The following SH2D4B variants were observed in gnomAD, a reference collection of about 807,000 sequenced individuals.
SH2D4B encodes SH2 domain containing 4B, also known as SH2 domain-containing protein 4B.
Under a neutral mutation model 61.5 loss-of-function variants are expected in SH2D4B, and 45 were observed. The observed-to-expected ratio is 0.73, with a 90% confidence interval of 0.58 to 0.94. The LOEUF (loss-of-function observed/expected upper bound fraction) is 0.94. Among genes scored for constraint, SH2D4B ranks in the 40% least tolerant of loss-of-function variants. The probability of loss-of-function intolerance (pLI) is 0.00; values close to 1 mark genes in which losing one functional copy is unlikely to be tolerated. For synonymous variants in SH2D4B, 224 were observed against 220.4 expected, an observed-to-expected ratio of 1.02 and a Z score of -0.14; for missense variants, 572 against 574.2, an observed-to-expected ratio of 1.00 and a Z score of 0.04.
At chr10:80,630,479 A>G (rs912108470) in intron 6 of SH2D4B, among the ~76,000 whole-genome samples, 6 of 152,306 alleles carry the variant, frequency 3.9e-5, no homozygotes, top group Admixed American at 1.3e-4. Context: ...TGGGATATCC[A>G]AGACAGTCTC....
chr10:80,559,310 T>C (rs945859652), intron 1 of SH2D4B, among the ~76,000 whole-genome samples: 1 of 152,186 alleles, frequency 6.6e-6, no homozygotes, highest in Non-Finnish European at 1.5e-5. Flanking sequence ...TTTCTCATTA[T>C]AAAACATTTG....
chr10:80,641,103 C>A (rs1372252390), intron 7 of SH2D4B, among the ~76,000 whole-genome samples: 3 of 152,222 alleles, frequency 2.0e-5, no homozygotes, highest in African/African-American at 7.2e-5. Flanking sequence ...CCCTCTTTGC[C>A]TGGGTATCAC....
rs188092157 is a variant in SH2D4B at position 80,543,973 on chromosome 10, C to T, written c.184+5458C>T. On this transcript the variant is annotated intron_variant, in intron 1 of 7. Coordinates refer to ENST00000646907, the MANE Select transcript of SH2D4B (RefSeq NM_001388272.1). ...CAGCGCCCTGTCAAAACAGACCACT[C>T]GGCTCTACCAATCAGCAGGATGTGG... 2.2e-3 allele frequency among the ~76,000 whole-genome samples: 298 copies of T among 132,584 alleles called. 1 individual carries two copies. The highest frequency in any genetic ancestry group is 8.0e-3 in the African/African-American group (251 of 31,254). The allele number at this position is 132,584 out of a possible 152,430, so 87.0% of individuals were successfully genotyped here.
At chr10:80,595,639 G>C (rs1005111644) in intron 4 of SH2D4B, among the ~76,000 whole-genome samples, 1 of 152,162 alleles carries the variant, frequency 6.6e-6, no homozygotes. Context: ...GCACTCAGAG[G>C]CTCTTTGAAT....
At chr10:80,553,808 G>A (rs994240852) in intron 1 of SH2D4B, among the ~76,000 whole-genome samples, 1 of 152,200 alleles carries the variant, frequency 6.6e-6, no homozygotes, top group African/African-American at 2.4e-5. Flanking sequence ...TGCCCACAGA[G>A]TGCTGGACTT....
chr10:80,622,320 C>T (rs1176977022), intron 6 of SH2D4B, among the ~76,000 whole-genome samples: 1 of 152,140 alleles, frequency 6.6e-6, no homozygotes, highest in African/African-American at 2.4e-5. Context: ...AGTTGTTCTG[C>T]TCCTTACTTT....
At chr10:80,610,383 C>T (rs1411162705) in intron 6 of SH2D4B, among the ~76,000 whole-genome samples, 7 of 152,140 alleles carry the variant, frequency 4.6e-5, no homozygotes, top group Admixed American at 4.6e-4. Flanking sequence ...TTTCCCTGTG[C>T]CTGGCTCAGT....
chr10:80,600,819 T>G (rs1291045332), intron 4 of SH2D4B, among the ~76,000 whole-genome samples: 1 of 152,206 alleles, frequency 6.6e-6, no homozygotes, highest in Non-Finnish European at 1.5e-5. Flanking sequence ...GTAGCCTGCC[T>G]GCCTGTCTGT....
chr10:80,583,439 C>T (rs1041890971), intron 3 of SH2D4B, among the ~76,000 whole-genome samples: 14 of 150,384 alleles, frequency 9.3e-5, no homozygotes, highest in East Asian at 5.8e-4. Context: ...GAGGCTGAGG[C>T]GGGCGGATCA....
chr10:80,612,377 G>T (rs1297938229), intron 6 of SH2D4B, among the ~76,000 whole-genome samples: 2 of 152,010 alleles, frequency 1.3e-5, no homozygotes, highest in Non-Finnish European at 2.9e-5. Flanking sequence ...GTTGGCAGGG[G>T]ACTCGGCTCT....
rs943586649 is a variant in SH2D4B, at chr10:80,538,326, G to A, written c.-6G>A. 3.8e-6 allele frequency: 5 copies of A among 1,329,070 alleles called. No homozygotes were observed. Among genetic ancestry groups the A allele is most frequent in the South Asian group, 4.4e-5 (2 of 45,810 alleles). 82.3% of individuals were successfully genotyped at this position (1,329,070 alleles called of 1,614,324 possible). ...CCCTTCTGGTGCGTGCATCCCAGGT[G>A]GCATCATGCTGCAGCAGATCCTGCA... is the stretch of plus-strand genomic sequence containing the variant. On this transcript the variant is annotated 5_prime_UTR_variant, in exon 1 of 8. Coordinates refer to ENST00000646907, the MANE Select transcript of SH2D4B (RefSeq NM_001388272.1). The surrounding 1 kb of genome is among the most constrained non-coding windows in gnomAD (Gnocchi z 4.8).
In SH2D4B at chr10:80,577,976, C is replaced by CT. The variant is rs760976545; in HGVS notation, c.495+6409dup. Among the ~76,000 whole-genome samples, 40 of 145,900 alleles carry CT rather than the reference C, an allele frequency of 2.7e-4. 1 individual carries two copies. The highest frequency in any genetic ancestry group is 1.6e-3 in the East Asian group (8 of 4,974). The stretch of plus-strand genomic sequence containing the variant: ...TTGGCTTAGATAATTTTTTTTCTTT[C>CT]TTTTTTTTTTTCGAGACAGGGTCCG... On this transcript the variant is annotated intron_variant, in intron 3 of 7. Coordinates refer to ENST00000646907, the MANE Select transcript of SH2D4B (RefSeq NM_001388272.1).
chr10:80,578,591 T>C (rs7917419), intron 3 of SH2D4B, among the ~76,000 whole-genome samples: 33,892 of 151,980 alleles, frequency 0.22, 4,736 homozygotes, highest in African/African-American at 0.38. Context: ...AAAAAGTTCA[T>C]GATGGATGGA....
chr10:80,627,529 G>A (rs997923707), intron 6 of SH2D4B, among the ~76,000 whole-genome samples: 2 of 151,956 alleles, frequency 1.3e-5, no homozygotes, highest in African/African-American at 4.8e-5. Flanking sequence ...CACTTCCGCC[G>A]CTGGGCTCCA....
At chr10:80,577,047 A>G (rs1458251538) in intron 3 of SH2D4B, among the ~76,000 whole-genome samples, 2 of 152,194 alleles carry the variant, frequency 1.3e-5, no homozygotes, top group East Asian at 3.9e-4. Flanking sequence ...GATTACAGGC[A>G]TGAGCCACTG....
intron 7 of SH2D4B, among the ~76,000 whole-genome samples, chr10:80,640,632 G>A (rs983192959): frequency 1.3e-5 from 2 of 152,110 alleles, no homozygotes; most frequent in African/African-American, 2.4e-5. Flanking sequence ...ATGAGTTTCA[G>A]CTCCATCAGG....
intron 7 of SH2D4B, among the ~76,000 whole-genome samples, chr10:80,636,838 T>G (rs1331982207): frequency 6.6e-6 from 1 of 152,180 alleles, no homozygotes; most frequent in Admixed American, 6.6e-5. Context: ...ATTGCTTTTG[T>G]TGTTTTAGTC....
intron 4 of SH2D4B, 139 bp downstream of exon 4, chr10:80,588,916 A>C: frequency 1.0e-6 from 1 of 971,052 alleles, no homozygotes. Context: ...CCATGTGCTC[A>C]GTCCTGCTAA....
chr10:80,611,289 C>G (rs7073089), intron 6 of SH2D4B, among the ~76,000 whole-genome samples: 83,040 of 151,718 alleles, frequency 0.55, 24,655 homozygotes, highest in African/African-American at 0.77. Flanking sequence ...ACTGACACGT[C>G]AAGTTGTTGC....
Sources: allele counts gnomAD v4.1 joint callset (sites outside exome capture counted in the v4.1 genomes callset), GRCh38; gene constraint gnomAD v4.1.1; non-coding constraint Gnocchi (gnomAD v3.1); transcripts MANE v1.5; gene names NCBI Gene and HGNC (gene_info 2026-07-23, HGNC 2026-07-21).